The following CMPK2 variants were observed in gnomAD, a reference collection of about 807,000 sequenced individuals.
The protein encoded by CMPK2 is cytidine/uridine monophosphate kinase 2.
Under a neutral mutation model 33.4 loss-of-function variants are expected in CMPK2, and 32 were observed. That is an observed-to-expected ratio of 0.96 (90% CI 0.72 to 1.29). The LOEUF (loss-of-function observed/expected upper bound fraction) is 1.29, where lower values mean the gene tolerates loss of function less well. Among genes scored for constraint, CMPK2 ranks in the 50% most tolerant of loss-of-function variants. CMPK2 has a pLI of 0.00. For missense variants in CMPK2, 672 were observed against 616.0 expected (o/e 1.09, Z -0.96); for synonymous variants, 299 against 275.3 (o/e 1.09, Z -0.85).
In CMPK2 at chr2:6,857,110, G is replaced by A. The variant is rs1420852660; in HGVS notation, c.992+4074C>T. Among the ~76,000 whole-genome samples the A allele has an allele frequency of 2.6e-5, 4 of 152,248 alleles. No homozygotes were observed. In the South Asian group the frequency reaches 6.2e-4, roughly 24 times the overall value. On this transcript the variant is annotated intron_variant, in intron 3 of 4. Coordinates refer to ENST00000256722, the MANE Select transcript of CMPK2 (RefSeq NM_207315.4). The stretch of plus-strand genomic sequence containing the variant: ...GAGTTTCTATTGATCCATATCATAT[G>A]AAGAAACCTTTAGTTATAGTAGTTT...
intron 1 of CMPK2, among the ~76,000 whole-genome samples, chr2:6,864,800 T>C (rs1301709929): frequency 1.3e-5 from 2 of 152,188 alleles, no homozygotes; most frequent in African/African-American, 4.8e-5. Flanking sequence ...TCGCGTGGCT[T>C]GGTGTAGGTC....
chr2:6,851,773 G>T, intron 3 of CMPK2, 90 bp from the exon 4 acceptor site: 2 of 1,239,206 alleles, frequency 1.6e-6, no homozygotes, highest in Non-Finnish European at 1.1e-6. Flanking sequence ...TGAAACCAGG[G>T]TTGGCTCTAC....
chr2:6,863,363 A>G (rs1662938545), intron 2 of CMPK2, 101 bp downstream of exon 2: 7 of 962,784 alleles, frequency 7.3e-6, no homozygotes, highest in East Asian at 2.4e-5. Context: ...AGGGGCACAC[A>G]TAAGGCTCCA....
At chr2:6,845,583 G>A (rs1662338330), downstream of CMPK2, among the ~76,000 whole-genome samples, 1 of 152,182 alleles carries the variant, frequency 6.6e-6, no homozygotes. Flanking sequence ...ATGCTCACCT[G>A]CATAAGGCTC....
intron 4 of CMPK2, chr2:6,851,104 T>C (rs1255695044): frequency 2.2e-5 from 25 of 1,127,120 alleles, no homozygotes; most frequent in Non-Finnish European, 2.7e-5. Context: ...TAGGTAGATG[T>C]TACTATGAGC....
At position 6,865,053 on chromosome 2, in the gene CMPK2, T is replaced by A; in HGVS notation, c.644A>T (p.Asp215Val). The A allele has an allele frequency of 7.0e-7, 1 of 1,437,098 alleles. No homozygotes were observed. The highest frequency in any genetic ancestry group is 1.5e-5 in the African/African-American group (1 of 66,852). The allele number at this position is 1,437,098 out of a possible 1,614,324, so 89.0% of individuals were successfully genotyped here. A position where few individuals can be genotyped will look rare whatever the true frequency, so the allele number is the denominator to read the frequency against. Reference sequence around the variant, plus strand: ...CAAAACGGCCCGGGCGGCTTCCCGGTCCGGGAAGACCACGGAACTGGGCAA... The same window carrying A: ...CAAAACGGCCCGGGCGGCTTCCCGGACCGGGAAGACCACGGAACTGGGCAA... ...PDLPSSVVFP[D>V]REAARAVLEE... Residue 215 changes from aspartate to valine, a missense_variant, in exon 1 of 5, where the codon GAC becomes GTC. Asp to Val is a radical substitution (Grantham distance 152, BLOSUM62 -3). Transcript: ENST00000256722.
chr2:6,865,640 C>T lies in CMPK2; in HGVS notation c.57G>A (p.Arg19=), dbSNP rs1663056042. 1.5e-6 allele frequency: 2 copies of T among 1,353,634 alleles called. No homozygotes were observed. Among genetic ancestry groups the T allele is most frequent in the Admixed American group, 3.4e-5 (1 of 29,120 alleles). 83.9% of individuals were successfully genotyped at this position (1,353,634 alleles called of 1,614,324 possible). A position where few individuals can be genotyped will look rare whatever the true frequency, so the allele number is the denominator to read the frequency against. The change falls in exon 1 of 5, where the codon CGG becomes CGA. Residue 19 remains arginine (R), a synonymous_variant. Coordinates refer to ENST00000256722, the MANE Select transcript of CMPK2 (RefSeq NM_207315.4). ...CCATGGCCCCAGCGCAGACCCCGCG[C>T]CGCCCGAGCAGCGGCCCCGACAGTG... The part of the protein sequence containing the change: ...RGPLSGPLLG[R]RGVCAGAMAP...
downstream of CMPK2, among the ~76,000 whole-genome samples, chr2:6,845,462 T>C (rs980359420): frequency 6.6e-6 from 1 of 151,898 alleles, no homozygotes. Flanking sequence ...GCATTCCTCT[T>C]CTCCTTCCTT....
intron 3 of CMPK2, among the ~76,000 whole-genome samples, chr2:6,855,219 T>C (rs1662650171): frequency 1.3e-5 from 2 of 151,784 alleles, no homozygotes; most frequent in African/African-American, 2.4e-5. Flanking sequence ...GACTGGATCA[T>C]GGGGGCAGAC....
chr2:6,861,981 G>C (rs1333408829), intron 2 of CMPK2: 1 of 152,878 alleles, frequency 6.5e-6, no homozygotes, highest in Non-Finnish European at 1.5e-5. Flanking sequence ...GCACAGCCTC[G>C]GGTGACAGAT....
chr2:6,862,281 T>C (rs980193088), intron 2 of CMPK2, among the ~76,000 whole-genome samples: 2 of 152,198 alleles, frequency 1.3e-5, no homozygotes, highest in African/African-American at 4.8e-5. Flanking sequence ...CCAGTGACCC[T>C]GCAAAACAGT....
intron 3 of CMPK2, among the ~76,000 whole-genome samples, chr2:6,852,768 C>T (rs958018175): frequency 2.0e-5 from 3 of 152,162 alleles, no homozygotes; most frequent in Admixed American, 6.5e-5. Context: ...TTTCATTTAT[C>T]AGCATAGTTT....
chr2:6,861,278 T>G lies in CMPK2; in HGVS notation c.898A>C (p.Thr300Pro), dbSNP rs1454252270. The G allele has an allele frequency of 1.2e-6, 2 of 1,613,978 alleles. No homozygotes were observed. Among genetic ancestry groups the G allele is most frequent in the Admixed American group, 3.3e-5 (2 of 60,018 alleles). ...QWRKIFDDEP[T>P]IIRRAFYSLG... Reference sequence around the variant, plus strand: ...GAGTAAAAAGCTCTTCTAATGATAGTTGGTTCATCATCAAAGATCTTCCTC... The same window carrying G: ...GAGTAAAAAGCTCTTCTAATGATAGGTGGTTCATCATCAAAGATCTTCCTC... Residue 300 changes from threonine to proline, a missense_variant, in exon 3 of 5, where the codon ACT becomes CCT. Transcript: ENST00000256722.
At chr2:6,855,297 C>T (rs1057297009) in intron 3 of CMPK2, among the ~76,000 whole-genome samples, 1 of 145,414 alleles carries the variant, frequency 6.9e-6, no homozygotes. Flanking sequence ...TGTAGCACTT[C>T]CCCCTGCTCT....
At chr2:6,847,965 C>G (rs899045525), downstream of CMPK2, among the ~76,000 whole-genome samples, 1 of 152,126 alleles carries the variant, frequency 6.6e-6, no homozygotes, top group Non-Finnish European at 1.5e-5. Context: ...GCTCGTCTTG[C>G]AATGAGCAGA....
chr2:6,865,286 CA>C lies in CMPK2; in HGVS notation c.410del (p.Leu137ArgfsTer132). 3.9e-6 allele frequency: 6 copies of C among 1,530,924 alleles called. No homozygotes were observed. Among genetic ancestry groups the C allele is most frequent in the Non-Finnish European group, 5.2e-6 (6 of 1,147,150 alleles). The allele number at this position is 1,530,924 out of a possible 1,614,324, so 94.8% of individuals were successfully genotyped here. A position where few individuals can be genotyped will look rare whatever the true frequency, so the allele number is the denominator to read the frequency against. ...GCGCTTGCCGGGTGTCAGGGTCATCCAGGGGGTCGCGCAGCAGGAAGCCTTG... is the reference window on the plus strand; with the variant it reads ...GCGCTTGCCGGGTGTCAGGGTCATCCGGGGGTCGCGCAGCAGGAAGCCTTG... ...AQQGFLLRDP[L>X]DDPDTRQALL... On this transcript the variant is annotated frameshift_variant, in exon 1 of 5. Coordinates refer to ENST00000256722, the MANE Select transcript of CMPK2 (RefSeq NM_207315.4). LOFTEE classifies it high-confidence loss of function.
rs142606020 is a variant in CMPK2, at chr2:6,855,700, A to G, written c.993-4017T>C. On this transcript the variant is annotated intron_variant, in intron 3 of 4. Coordinates refer to ENST00000256722, the MANE Select transcript of CMPK2 (RefSeq NM_207315.4). ...TATTGTTATCCCCATTGCCATCCCT[A>G]TTGTCATCCCAGGATTAAAACTACT... Among the ~76,000 whole-genome samples the G allele has an allele frequency of 4.6e-4, 70 of 152,172 alleles. No homozygotes were observed. In the East Asian group the frequency reaches 0.01, roughly 22 times the overall value.
chr2:6,844,020 C>T (rs1161726982), downstream of CMPK2, among the ~76,000 whole-genome samples: 1 of 152,158 alleles, frequency 6.6e-6, no homozygotes, highest in Non-Finnish European at 1.5e-5. Context: ...GACCTAGCAA[C>T]CTATATCTCC....
Position 6,865,558 on chromosome 2 carries a change from G to C in CMPK2, c.139C>G (p.Leu47Val). 7.5e-7 allele frequency: 1 copy of C among 1,338,490 alleles called. No individual in the cohort carries two copies. The highest frequency in any genetic ancestry group is 9.6e-7 in the Non-Finnish European group (1 of 1,046,674). The allele number at this position is 1,338,490 out of a possible 1,614,324, so 82.9% of individuals were successfully genotyped here. ...LPDCTLAHFA[L>V]GADAPGDADA... The stretch of plus-strand genomic sequence containing the variant: ...GCGTCGCCGGGGGCGTCGGCGCCTA[G>C]GGCGAAGTGAGCCAGGGTGCAGTCG... Residue 47 changes from leucine to valine, a missense_variant, in exon 1 of 5, where the codon CTA (leucine) becomes GTA (valine). Transcript: ENST00000256722.
Sources: allele counts gnomAD v4.1 joint callset (sites outside exome capture counted in the v4.1 genomes callset), GRCh38; gene constraint gnomAD v4.1.1; transcripts MANE v1.5; gene names NCBI Gene and HGNC (gene_info 2026-07-23, HGNC 2026-07-21).